The following TBX18 variants were observed in gnomAD, a reference collection of about 807,000 sequenced individuals.
TBX18 encodes the protein T-box transcription factor 18.
A neutral mutation model predicts 55.0 loss-of-function variants in TBX18; 21 were observed. The ratio of observed to expected loss-of-function variants is 0.38; its 90% CI spans 0.27 to 0.55. The LOEUF is 0.55. Ranked by LOEUF, TBX18 falls within the 20% of genes least tolerant of loss-of-function variation. The pLI is 0.73. For synonymous variants in TBX18, 342 were observed against 326.1 expected (o/e 1.05, Z -0.53); for missense variants, 840 against 799.6 (o/e 1.05, Z -0.61).
At chr6:84,739,283 TA>T (rs1766979887) in intron 6 of TBX18, among the ~76,000 whole-genome samples, 1 of 151,942 alleles carries the variant, frequency 6.6e-6, no homozygotes, top group Non-Finnish European at 1.5e-5. Flanking sequence ...CAAATTATTT[TA>T]AAACCCTGAA....
In TBX18 at chr6:84,735,920, T is replaced by G. The variant is rs557069168; in HGVS notation, c.*765A>C. 1 of 152,270 alleles carries G rather than the reference T, an allele frequency of 6.6e-6. No homozygotes were observed. Among genetic ancestry groups the G allele is most frequent in the East Asian group, 1.9e-4 (1 of 5,182 alleles). The allele number at this position is 152,270 out of a possible 1,614,324, so 9.4% of individuals were successfully genotyped here. Reference sequence around the variant, plus strand: ...AAAATGTTTATAGAACATTCTTTAATGGTCTATTTGATATATAAAATAAGC... The same window carrying G: ...AAAATGTTTATAGAACATTCTTTAAGGGTCTATTTGATATATAAAATAAGC... On this transcript the variant is annotated 3_prime_UTR_variant, in exon 8 of 8. Transcript: ENST00000369663.
In TBX18 at chr6:84,763,955, G is replaced by A; in HGVS notation, c.227C>T (p.Pro76Leu). Residue 76 changes from proline (P) to leucine (L), a missense_variant, in exon 1 of 8, where the codon CCG (proline) becomes CTG (leucine). Physicochemically the swap from Pro to Leu is moderately conservative, Grantham distance 98. Transcript: ENST00000369663. ...SSEGDEGAAL[P>L]PPAGATSGPA... The stretch of plus-strand genomic sequence containing the variant: ...CCCAGACGTCGCCCCAGCCGGCGGC[G>A]GGAGCGCAGCGCCTTCGTCTCCCTC... 2 of 1,579,168 alleles carry A rather than the reference G, an allele frequency of 1.3e-6. No individual in the cohort carries two copies. Among genetic ancestry groups the A allele is most frequent in the Non-Finnish European group, 8.6e-7 (1 of 1,168,786 alleles).
chr6:84,744,203 T>G, intron 6 of TBX18, 58 bp downstream of exon 6: 1 of 1,425,836 alleles, frequency 7.0e-7, no homozygotes, highest in Non-Finnish European at 9.6e-7. Flanking sequence ...AATAGAAAAT[T>G]CATAATAAAA....
Position 84,763,914 on chromosome 6 carries a change from C to T in TBX18, c.268G>A (p.Ala90Thr), listed in dbSNP as rs779032067. ...CCCGCGGCTCCGCGCTCCAGGTCTG[C>T]GCCACTCCGAGCCGGCCCAGACGTC... is the stretch of plus-strand genomic sequence containing the variant. ...GATSGPARSG[A>T]DLERGAAGGC... is the part of the protein sequence containing the mutation. Residue 90 changes from alanine (A) to threonine (T), a missense_variant, in exon 1 of 8, where the codon GCA (alanine) becomes ACA (threonine). By Grantham distance (58) the Ala-to-Thr change is moderately conservative. Coordinates refer to ENST00000369663, the MANE Select transcript of TBX18 (RefSeq NM_001080508.3). 1.3e-6 allele frequency: 2 copies of T among 1,554,584 alleles called. No individual in the cohort carries two copies. The highest frequency in any genetic ancestry group is 1.7e-6 in the Non-Finnish European group (2 of 1,156,792).
chr6:84,759,549 C>CAA (rs59069871), intron 3 of TBX18, among the ~76,000 whole-genome samples: 18 of 140,720 alleles, frequency 1.3e-4, no homozygotes, highest in Admixed American at 3.5e-4. Context: ...TGTTTTCTTG[C>CAA]AAAAAAAAAA....
intron 3 of TBX18, among the ~76,000 whole-genome samples, chr6:84,758,338 G>T (rs1265092911): frequency 2.6e-5 from 4 of 151,076 alleles, no homozygotes; most frequent in Admixed American, 6.6e-5. Flanking sequence ...AACCTGGGAG[G>T]CGGAGGTTCC....
Position 84,744,553 on chromosome 6 carries a change from C to G in TBX18, c.940-228G>C, listed in dbSNP as rs2273096. Among the ~76,000 whole-genome samples the G allele has an allele frequency of 0.13, 20,198 of 152,122 alleles. 1,549 individuals are homozygous for G. The highest frequency in any genetic ancestry group is 0.24 in the Admixed American group (3,728 of 15,272). On this transcript the variant is annotated intron_variant, in intron 5 of 7. Transcript: ENST00000369663. ...AAAAGATACTTCACTCCTTTTCAAT[C>G]TGCATTAATAGATATAAGTTAGTTT...
rs118070046 is a variant in TBX18, at chr6:84,734,247, A to G, written c.*2438T>C. On this transcript the variant is annotated 3_prime_UTR_variant, in exon 8 of 8. Coordinates refer to ENST00000369663, the MANE Select transcript of TBX18 (RefSeq NM_001080508.3). ...AATTTTCATGTGTTCAACATTTGTC[A>G]GGGCCTTCACCTTCAATGACATGGT... 6.6e-5 allele frequency: 10 copies of G among 152,246 alleles called. No individual in the cohort carries two copies. The East Asian group carries it at 1.9e-3, about 29-fold the overall frequency. The allele number at this position is 152,246 out of a possible 1,614,324, so 9.4% of individuals were successfully genotyped here.
chr6:84,740,165 G>C (rs1301157770), intron 6 of TBX18, among the ~76,000 whole-genome samples: 1 of 152,164 alleles, frequency 6.6e-6, no homozygotes, highest in East Asian at 1.9e-4. Flanking sequence ...AAAGAGCAGA[G>C]CACAGAGGGG....
intron 6 of TBX18, among the ~76,000 whole-genome samples, chr6:84,739,763 C>A (rs1189142029): frequency 6.6e-6 from 1 of 152,168 alleles, no homozygotes; most frequent in African/African-American, 2.4e-5. Flanking sequence ...GAGAGTCATA[C>A]CACATACACA....
At chr6:84,750,534 C>G (rs1767320068) in intron 4 of TBX18, among the ~76,000 whole-genome samples, 1 of 152,048 alleles carries the variant, frequency 6.6e-6, no homozygotes, top group Non-Finnish European at 1.5e-5. Flanking sequence ...ATATTTAAGT[C>G]TGAAAAAACT....
At position 84,764,153 on chromosome 6, in the gene TBX18, C is replaced by T; in HGVS notation, c.29G>A (p.Cys10Tyr). The T allele has an allele frequency of 6.5e-7, 1 of 1,535,816 alleles. No homozygotes were observed. The highest frequency in any genetic ancestry group is 8.7e-7 in the Non-Finnish European group (1 of 1,151,254). ...GTGCGCCTTGAGGCTTAGCATGCTG[C>T]ACGGCGAGCCCCTTCGCTTCTCGGC... MAEKRRGSP[C>Y]SMLSLKAHAF... The change falls in exon 1 of 8, where the codon TGC becomes TAC. Residue 10 changes from cysteine (C) to tyrosine (Y), a missense_variant. Transcript: ENST00000369663.
intron 4 of TBX18, among the ~76,000 whole-genome samples, chr6:84,750,693 T>C (rs1767324013): frequency 6.6e-6 from 1 of 152,156 alleles, no homozygotes; most frequent in African/African-American, 2.4e-5. Context: ...TATAAATTCG[T>C]ATTTTTTGGG....
chr6:84,762,690 G>A lies in TBX18; in HGVS notation c.351C>T (p.Ser117=), dbSNP rs1451311447. The change falls in exon 2 of 8, where the codon TCC becomes TCT. Residue 117 remains serine, a synonymous_variant. Transcript: ENST00000369663. The part of the protein sequence containing the change: ...GASPLASPGG[S]PKGSPARSLA... ...GGGAGCGCGCCGGAGACCCCTTGGG[G>A]GAGCCTCCCGGTGACGCCAGAGGGG... The A allele has an allele frequency of 5.0e-6, 8 of 1,610,882 alleles. No individual in the cohort carries two copies. The highest frequency in any genetic ancestry group is 5.9e-6 in the Non-Finnish European group (7 of 1,179,066).
Position 84,736,921 on chromosome 6 carries a change from A to G in TBX18, c.1588T>C (p.Tyr530His). ...TFRLHSPCAL[Y>H]GYNFSTSPKL... is the part of the protein sequence containing the mutation. ...GGGGATGTGGAGAAGTTATATCCAT[A>G]TAGTGCACAGGGGCTGTGTAATCTA... The change falls in exon 8 of 8, where the codon TAT (tyrosine) becomes CAT (histidine). Residue 530 changes from tyrosine to histidine, a missense_variant. Coordinates refer to ENST00000369663, the MANE Select transcript of TBX18 (RefSeq NM_001080508.3). The G allele has an allele frequency of 6.2e-7, 1 of 1,612,618 alleles. No individual in the cohort carries two copies. The highest frequency in any genetic ancestry group is 8.5e-7 in the Non-Finnish European group (1 of 1,179,290).
chr6:84,751,085 C>G (rs1235246276), intron 4 of TBX18, among the ~76,000 whole-genome samples: 1 of 152,140 alleles, frequency 6.6e-6, no homozygotes, highest in African/African-American at 2.4e-5. Flanking sequence ...ATTAGCATAT[C>G]TTTTAGAAAC....
At chr6:84,750,023 C>T (rs911086494) in intron 4 of TBX18, among the ~76,000 whole-genome samples, 1 of 152,066 alleles carries the variant, frequency 6.6e-6, no homozygotes, top group East Asian at 1.9e-4. Flanking sequence ...TGGTGGCTCA[C>T]GCCTGTAATC....
In TBX18 at chr6:84,738,488, G is replaced by GT. The variant is rs1345475999; in HGVS notation, c.1099+8dup. On this transcript the variant is annotated intron_variant, in intron 7 of 7. Transcript: ENST00000369663. Reference sequence around the variant, plus strand: ...CTGTATATATGACCCAGGAGACTTTGTGAGTTACCTTGCTTGGGAATTCCA... The same window carrying GT: ...CTGTATATATGACCCAGGAGACTTTGTTGAGTTACCTTGCTTGGGAATTCCA... The GT allele has an allele frequency of 1.2e-6, 2 of 1,612,192 alleles. No individual in the cohort carries two copies. The highest frequency in any genetic ancestry group is 3.3e-5 in the Admixed American group (2 of 60,012).
rs1049049428 is a variant in TBX18 at position 84,740,326 on chromosome 6, C to T, written c.1005-1735G>A. ...ACTGGCACTGCAACTCACTAAAACT[C>T]ATTGTCTGACCTTAAGCAAATTTGC... On this transcript the variant is annotated intron_variant, in intron 6 of 7. Transcript: ENST00000369663. Among the ~76,000 whole-genome samples the T allele has an allele frequency of 8.1e-4, 124 of 152,216 alleles. 1 individual carries two copies. Among genetic ancestry groups the T allele is most frequent in the Non-Finnish European group, 7.4e-5 (5 of 68,008 alleles).
Sources: gnomAD v4.1 joint callset for allele counts (sites outside exome capture counted in the v4.1 genomes callset) on GRCh38, gnomAD v4.1.1 for gene constraint, MANE v1.5 for transcripts, NCBI Gene and HGNC (gene_info 2026-07-23, HGNC 2026-07-21) for gene names.